The following NRXN3 variants were observed in gnomAD, a reference collection of about 807,000 sequenced individuals.
NRXN3 encodes neurexin III.
NRXN3 carries 32 observed loss-of-function variants against 137.6 expected under a neutral mutation model. The observed-to-expected ratio is 0.23, with a 90% CI of 0.18 to 0.31. The LOEUF (loss-of-function observed/expected upper bound fraction) is 0.31, where lower values mean the gene tolerates loss of function less well. Among genes scored for constraint, NRXN3 ranks in the 10% least tolerant of loss-of-function variants. The pLI is 1.00. For missense variants in NRXN3, 1,574 were observed against 2,062.5 expected (o/e 0.76, Z 4.59); for synonymous variants, 798 against 784.5 (o/e 1.02, Z -0.29).
chr14:78,781,717 A>C (rs1157202355), intron 8 of NRXN3, among the ~76,000 whole-genome samples: 2 of 152,256 alleles, frequency 1.3e-5, no homozygotes, highest in Non-Finnish European at 2.9e-5. Flanking sequence ...ATAAAGAATA[A>C]AAATGAAAAC....
At chr14:78,817,435 G>T (rs906340480) in intron 10 of NRXN3, among the ~76,000 whole-genome samples, 4 of 152,166 alleles carry the variant, frequency 2.6e-5, no homozygotes, top group Admixed American at 6.6e-5. Context: ...AGGAGAAAAA[G>T]AACTTGTTCA....
At chr14:79,704,852 TAAC>T (rs923716331) in intron 19 of NRXN3, among the ~76,000 whole-genome samples, 16 of 152,202 alleles carry the variant, frequency 1.1e-4, no homozygotes, top group African/African-American at 3.9e-4. Flanking sequence ...TGCACAGTTC[TAAC>T]AACAACAGAA....
chr14:78,239,306 C>A (rs967434120), intron 1 of NRXN3, among the ~76,000 whole-genome samples: 2 of 152,200 alleles, frequency 1.3e-5, no homozygotes, highest in Non-Finnish European at 2.9e-5. Context: ...ACTTGTCCCC[C>A]ACTAGTTTGT....
chr14:79,147,105 G>T (rs1177397377), intron 15 of NRXN3, among the ~76,000 whole-genome samples: 1 of 152,064 alleles, frequency 6.6e-6, no homozygotes, highest in Non-Finnish European at 1.5e-5. Flanking sequence ...GGTGTAAGAG[G>T]GTGAGAGAAA....
intron 16 of NRXN3, among the ~76,000 whole-genome samples, chr14:79,628,847 T>C (rs1208712681): frequency 6.6e-6 from 1 of 152,166 alleles, no homozygotes; most frequent in Non-Finnish European, 1.5e-5. Flanking sequence ...CTAATCATAG[T>C]TATATTTTGA....
chr14:78,262,301 AAG>A (rs1472198830), intron 2 of NRXN3, among the ~76,000 whole-genome samples: 1 of 152,120 alleles, frequency 6.6e-6, no homozygotes, highest in Non-Finnish European at 1.5e-5. Flanking sequence ...GGGTTGGGGA[AAG>A]AGAGAAGCCA....
chr14:78,455,310 G>T (rs972803606), intron 4 of NRXN3, among the ~76,000 whole-genome samples: 3 of 152,142 alleles, frequency 2.0e-5, no homozygotes, highest in African/African-American at 7.2e-5. Flanking sequence ...TTTCAGTCCA[G>T]TTTTACCTGG....
At chr14:78,563,000 G>A (rs954925432) in intron 4 of NRXN3, among the ~76,000 whole-genome samples, 1 of 152,146 alleles carries the variant, frequency 6.6e-6, no homozygotes, top group African/African-American at 2.4e-5. Context: ...GTGTCTGGAT[G>A]AGATGGGACA....
At chr14:79,567,148 C>T (rs139203527) in intron 16 of NRXN3, among the ~76,000 whole-genome samples, 1 of 152,004 alleles carries the variant, frequency 6.6e-6, no homozygotes, top group Admixed American at 6.6e-5. Context: ...TGTTCTCTGG[C>T]AATTTGTTTA....
intron 16 of NRXN3, among the ~76,000 whole-genome samples, chr14:79,470,101 C>G (rs1474704021): frequency 6.6e-6 from 1 of 152,018 alleles, no homozygotes; most frequent in East Asian, 1.9e-4. Context: ...AGAGAAAGAG[C>G]TTTGGGGCCA....
At chr14:79,325,976 G>A (rs930405515) in intron 15 of NRXN3, among the ~76,000 whole-genome samples, 1 of 152,138 alleles carries the variant, frequency 6.6e-6, no homozygotes, top group Non-Finnish European at 1.5e-5. Flanking sequence ...AAGGGTCTGC[G>A]GGTGCCCTCT....
intron 10 of NRXN3, among the ~76,000 whole-genome samples, chr14:78,930,430 G>A (rs1005045137): frequency 1.3e-5 from 2 of 152,178 alleles, no homozygotes; most frequent in East Asian, 3.9e-4. Context: ...ATGTTAAGAA[G>A]GAGGATTCTA....
At chr14:79,094,979 A>AGAGT (rs553957969) in intron 15 of NRXN3, among the ~76,000 whole-genome samples, 145 of 115,924 alleles carry the variant, frequency 1.3e-3, no homozygotes, top group East Asian at 2.7e-3. Flanking sequence ...AGAGAGAGAG[A>AGAGT]GTGTGTGTGT....
chr14:79,766,055 A>T (rs7155526), intron 19 of NRXN3, among the ~76,000 whole-genome samples: 79,098 of 152,038 alleles, frequency 0.52, 21,135 homozygotes, highest in Middle Eastern at 0.65. Flanking sequence ...TGTATTCAGG[A>T]ACATGTTCTT....
chr14:78,205,577 G>A (rs767928820), intron 1 of NRXN3, among the ~76,000 whole-genome samples: 1 of 152,248 alleles, frequency 6.6e-6, no homozygotes, highest in African/African-American at 2.4e-5. Flanking sequence ...TAGGCCAAGA[G>A]GGTAAAGAGG....
intron 15 of NRXN3, among the ~76,000 whole-genome samples, chr14:79,227,459 G>A (rs1214147560): frequency 2.0e-5 from 3 of 151,900 alleles, no homozygotes; most frequent in South Asian, 2.1e-4. Context: ...CCTGAATCTC[G>A]TTTGGCTATG....
chr14:79,533,672 A>T (rs1450975368), intron 16 of NRXN3, among the ~76,000 whole-genome samples: 1 of 152,156 alleles, frequency 6.6e-6, no homozygotes, highest in Non-Finnish European at 1.5e-5. Flanking sequence ...TGGCATATTG[A>T]TTGTCTGGGG....
chr14:78,334,138 G>A (rs1046506877), intron 4 of NRXN3, among the ~76,000 whole-genome samples: 2 of 152,098 alleles, frequency 1.3e-5, no homozygotes, highest in African/African-American at 4.8e-5. Context: ...CAGGGAAAGG[G>A]CAAGAGTCTA....
intron 4 of NRXN3, among the ~76,000 whole-genome samples, chr14:78,562,622 G>A (rs1440921921): frequency 6.6e-6 from 1 of 152,044 alleles, no homozygotes; most frequent in African/African-American, 2.4e-5. Flanking sequence ...GAGGTCCCAG[G>A]CATGGGAATG....
Sources: allele counts gnomAD v4.1 joint callset (sites outside exome capture counted in the v4.1 genomes callset), GRCh38; gene constraint gnomAD v4.1.1; transcripts MANE v1.5; gene names NCBI Gene and HGNC (gene_info 2026-07-23, HGNC 2026-07-21).